The following PARVG variants were observed in gnomAD, a reference collection of about 807,000 sequenced individuals.
PARVG encodes parvin gamma.
In PARVG, 36 loss-of-function variants were observed where a neutral mutation model predicts 44.4. The ratio of observed to expected loss-of-function variants is 0.81; its 90% CI spans 0.62 to 1.07. The LOEUF (loss-of-function observed/expected upper bound fraction) is 1.07, where lower values mean the gene tolerates loss of function less well. Ranked by LOEUF, PARVG falls within the 50% of genes least tolerant of loss-of-function variation. PARVG has a pLI of 0.00. For missense variants in PARVG, 407 were observed against 407.4 expected (o/e 1.00, Z 0.01); for synonymous variants, 170 against 174.1 (o/e 0.98, Z 0.19).
intron 4 of PARVG, chr22:44,186,912 C>T (rs1160295624): frequency 6.1e-6 from 2 of 325,394 alleles, no homozygotes; most frequent in South Asian, 2.4e-5. Context: ...CCCCGACAAC[C>T]TCCTGACAAC....
rs2054534603 is a variant in PARVG at position 44,190,606 on chromosome 22, G to A, written c.444G>A (p.Lys148=). 5 of 1,614,138 alleles carry A rather than the reference G, an allele frequency of 3.1e-6. No homozygotes were observed. The East Asian group carries it at 1.1e-4, about 36-fold the overall frequency. The stretch of plus-strand genomic sequence containing the variant: ...TGCACCTCCTTGTGGCCCTGGCCAA[G>A]CGCTTCCAGCCCGACCTCTCCCTCC... ...STLHLLVALA[K]RFQPDLSLPT... Residue 148 remains lysine, a synonymous_variant, in exon 7 of 14, where the codon AAG becomes AAA. Transcript: ENST00000444313.
At chr22:44,198,438 C>T (rs1413649972) in intron 11 of PARVG, among the ~76,000 whole-genome samples, 183 bp from the exon 12 acceptor site, 3 of 152,252 alleles carry the variant, frequency 2.0e-5, no homozygotes, top group Admixed American at 2.0e-4. Flanking sequence ...ATATACCAGG[C>T]AGCCTGAAAC....
chr22:44,199,866 G>A (rs533294424), intron 12 of PARVG, among the ~76,000 whole-genome samples: 1 of 152,308 alleles, frequency 6.6e-6, no homozygotes, highest in East Asian at 1.9e-4. Flanking sequence ...GAAGGGTGGG[G>A]CCTGACCTGG....
chr22:44,195,751 G>A (rs2054609257), intron 9 of PARVG, among the ~76,000 whole-genome samples: 1 of 152,210 alleles, frequency 6.6e-6, no homozygotes, highest in Non-Finnish European at 1.5e-5. Flanking sequence ...CCTGGGGAGT[G>A]GAGTAGGGCC....
At chr22:44,184,095 G>A (rs2054427653) in intron 3 of PARVG, 1 of 154,172 alleles carries the variant, frequency 6.5e-6, no homozygotes, top group Non-Finnish European at 1.4e-5. Context: ...CTCAAAAGAA[G>A]GACATGGGCA....
intron 7 of PARVG, among the ~76,000 whole-genome samples, chr22:44,191,628 A>G (rs9680687): frequency 0.014 from 2,130 of 151,994 alleles, 51 homozygotes; most frequent in African/African-American, 0.049. Context: ...TGAACTCCTG[A>G]GCTCAAGCCA....
chr22:44,195,524 A>G (rs561705902), intron 9 of PARVG, among the ~76,000 whole-genome samples: 2 of 152,210 alleles, frequency 1.3e-5, no homozygotes, highest in Admixed American at 6.5e-5. Context: ...GCCTGAGGAC[A>G]TGGGCACCCG....
At chr22:44,187,602 G>C in intron 4 of PARVG, 174 bp from the exon 5 acceptor site, 1 of 644,532 alleles carries the variant, frequency 1.6e-6, no homozygotes, top group Non-Finnish European at 2.8e-6. Context: ...GGAACCTGGG[G>C]CAGGCCCCTA....
chr22:44,196,237 C>T (rs201936979), intron 10 of PARVG, 24 bp downstream of exon 10: 35 of 1,614,148 alleles, frequency 2.2e-5, no homozygotes, highest in Middle Eastern at 1.6e-4. Flanking sequence ...AAGCTCTCAG[C>T]GGCTCTCAGG....
intron 1 of PARVG, among the ~76,000 whole-genome samples, chr22:44,175,584 AG>A (rs2147210889): frequency 6.6e-6 from 1 of 150,992 alleles, no homozygotes; most frequent in East Asian, 2.0e-4. Flanking sequence ...GCCCTGGGGC[AG>A]GGGGTGGGGA....
At chr22:44,186,642 G>A (rs556609856) in intron 4 of PARVG, 2 of 471,212 alleles carry the variant, frequency 4.2e-6, no homozygotes, top group East Asian at 1.4e-4. Context: ...GGAAGACCTG[G>A]TGAGGTGCTG....
At chr22:44,178,526 C>T (rs1249689361), upstream of PARVG, among the ~76,000 whole-genome samples, 2 of 152,112 alleles carry the variant, frequency 1.3e-5, no homozygotes, top group Admixed American at 6.5e-5. Context: ...CAGCACGCGA[C>T]GACATAAAAA....
At chr22:44,198,859 T>TATCCATCCATCCATCC in intron 12 of PARVG, 137 bp downstream of exon 12, 1 of 526,668 alleles carries the variant, frequency 1.9e-6, no homozygotes, top group South Asian at 2.2e-5. Context: ...TATGTCTGCC[T>TATCCATCCATCCATCC]ATCCATCCAT....
chr22:44,190,510 G>C, intron 6 of PARVG, 41 bp from the exon 7 acceptor site: 10 of 1,511,926 alleles, frequency 6.6e-6, no homozygotes, highest in Non-Finnish European at 9.2e-6. Flanking sequence ...GCACGTTTTG[G>C]CGGCCTCCTG....
Position 44,189,378 on chromosome 22 carries a change from G to A in PARVG, c.388+124G>A, listed in dbSNP as rs2054518926. 8 of 1,427,752 alleles carry A rather than the reference G, an allele frequency of 5.6e-6. No homozygotes were observed. The East Asian group carries it at 1.5e-4, about 27-fold the overall frequency. 88.4% of individuals were successfully genotyped at this position (1,427,752 alleles called of 1,614,324 possible). On this transcript the variant is annotated intron_variant, in intron 6 of 13. Transcript: ENST00000444313. ...CTCCCAGCAGGGGTACAACCTGGGA[G>A]TCAGGAAGGAGGTAGAAGCCTCAGG... is the stretch of plus-strand genomic sequence containing the variant.
At chr22:44,180,681 T>G (rs1019898757), upstream of PARVG, among the ~76,000 whole-genome samples, 1 of 152,216 alleles carries the variant, frequency 6.6e-6, no homozygotes, top group Non-Finnish European at 1.5e-5. Flanking sequence ...TGAAAGCCCT[T>G]AAAATTATGT....
At chr22:44,175,418 C>T (rs781113676) in intron 1 of PARVG, among the ~76,000 whole-genome samples, 20 of 152,262 alleles carry the variant, frequency 1.3e-4, no homozygotes, top group South Asian at 2.1e-4. Flanking sequence ...CAGGAATCCC[C>T]GGCCACCGCA....
rs75891002 is a variant in PARVG, at chr22:44,205,402, C to T, written c.814-355C>T. Among the ~76,000 whole-genome samples, 840 of 152,334 alleles carry T rather than the reference C, an allele frequency of 5.5e-3. 8 individuals carry two copies. Among genetic ancestry groups the T allele is most frequent in the African/African-American group, 0.019 (801 of 41,572 alleles). ...TGGCGGGACTCACCACCAGGCTTCA[C>T]CTCCACCAGGAAGCCTTCCCTGATC... On this transcript the variant is annotated intron_variant, in intron 12 of 13. Transcript: ENST00000444313.
In PARVG at chr22:44,181,771, G is replaced by T. The variant is rs957192363; in HGVS notation, c.-159G>T. 1.0e-6 allele frequency: 1 copy of T among 985,454 alleles called. No individual in the cohort carries two copies. Among genetic ancestry groups the T allele is most frequent in the Non-Finnish European group, 1.2e-6 (1 of 829,948 alleles). The allele number at this position is 985,454 out of a possible 1,614,324, so 61.0% of individuals were successfully genotyped here. On this transcript the variant is annotated 5_prime_UTR_variant, in exon 2 of 14. Transcript: ENST00000444313. The stretch of plus-strand genomic sequence containing the variant: ...GAGGAAGCTCCTGCCGGCTGAGCGG[G>T]CCTGGAGGAAGTGAGCAGCGGGGCT...
Sources: gnomAD v4.1 joint callset for allele counts (sites outside exome capture counted in the v4.1 genomes callset) on GRCh38, gnomAD v4.1.1 for gene constraint, MANE v1.5 for transcripts, NCBI Gene and HGNC (gene_info 2026-07-23, HGNC 2026-07-21) for gene names.